The following NOL4L variants were observed in gnomAD, a reference collection of about 807,000 sequenced individuals.
NOL4L encodes the protein nucleolar protein 4-like.
NOL4L carries 7 observed loss-of-function variants against 64.5 expected under a neutral mutation model. The observed-to-expected ratio is 0.11, with a 90% CI of 0.06 to 0.20. NOL4L has a LOEUF of 0.20. Ranked by LOEUF, NOL4L falls within the 10% of genes least tolerant of loss-of-function variation. The probability of loss-of-function intolerance (pLI) is 1.00; values close to 1 mark genes in which losing one functional copy is unlikely to be tolerated. For synonymous variants in NOL4L, 413 were observed against 401.0 expected (o/e 1.03, Z -0.36); for missense variants, 680 against 967.1 (o/e 0.70, Z 3.94).
Position 32,516,546 on chromosome 20 carries a change from T to C in NOL4L, c.589+4265A>G, listed in dbSNP as rs1025571469. Among the ~76,000 whole-genome samples, 41 of 152,162 alleles carry C rather than the reference T, an allele frequency of 2.7e-4. 1 individual carries two copies. The highest frequency in any genetic ancestry group is 9.7e-4 in the African/African-American group (40 of 41,446). The stretch of plus-strand genomic sequence containing the variant: ...GAATCGGAATGGGACTCACGAACTA[T>C]TGCTCAGCTGACAGCTCCTTAGCAC... On this transcript the variant is annotated intron_variant, in intron 3 of 10. Transcript: ENST00000621426.
chr20:32,463,371 T>C lies in NOL4L; in HGVS notation c.842-6976A>G, dbSNP rs575400860. 6.6e-6 allele frequency among the ~76,000 whole-genome samples: 1 copy of C among 152,104 alleles called. No homozygotes were observed. The highest frequency in any genetic ancestry group is 1.5e-5 in the Non-Finnish European group (1 of 67,992). On this transcript the variant is annotated intron_variant, in intron 5 of 10. Transcript: ENST00000621426. The surrounding 1 kb of genome is among the most constrained non-coding windows in gnomAD (Gnocchi z 5.8). ...GCCAACCTGCTGGGGCCCAGTGTGA[T>C]GAAAGCAGGGTGGGCCTGCCCCCAG... is the stretch of plus-strand genomic sequence containing the variant.
chr20:32,483,130 TCA>T (rs2015846723), intron 4 of NOL4L, among the ~76,000 whole-genome samples: 1 of 89,158 alleles, frequency 1.1e-5, no homozygotes, highest in African/African-American at 4.4e-5. Flanking sequence ...TCGGGCACAC[TCA>T]CCCGCCCCCC....
At chr20:32,502,470 G>GT (rs1374788029) in intron 4 of NOL4L, among the ~76,000 whole-genome samples, 1 of 151,820 alleles carries the variant, frequency 6.6e-6, no homozygotes, top group East Asian at 1.9e-4. Context: ...GCAGGCGCCT[G>GT]TAATTCCAGT....
intron 10 of NOL4L, among the ~76,000 whole-genome samples, chr20:32,448,929 C>T (rs560217364): frequency 5.9e-5 from 9 of 152,284 alleles, no homozygotes; most frequent in African/African-American, 1.4e-4. Flanking sequence ...GCGGCTCCTG[C>T]GAGCAGAAGC....
At chr20:32,505,176 T>C (rs948252819) in intron 4 of NOL4L, among the ~76,000 whole-genome samples, 6 of 152,198 alleles carry the variant, frequency 3.9e-5, no homozygotes, top group African/African-American at 1.4e-4. Context: ...TGACAGTCTC[T>C]CACAGTAACC....
intron 6 of NOL4L, 92 bp downstream of exon 6, chr20:32,456,026 C>T: frequency 2.2e-6 from 3 of 1,345,430 alleles, no homozygotes; most frequent in Non-Finnish European, 1.9e-6. Flanking sequence ...CATGGGCTGG[C>T]TCCAGCTAAG....
chr20:32,453,755 G>T lies in NOL4L; in HGVS notation c.1126C>A (p.Pro376Thr), dbSNP rs1332248089. 20 of 1,552,984 alleles carry T rather than the reference G, an allele frequency of 1.3e-5. No individual in the cohort carries two copies. Among genetic ancestry groups the T allele is most frequent in the South Asian group, 2.4e-5 (2 of 84,170 alleles). ...YGVKTTPESP[P>T]YSSGSYDSIK... is the part of the protein sequence containing the mutation. ...GAATCGTAGCTCCCAGAGCTGTAGG[G>T]GGGGGACTAAAAGGAGGGCAAGAGG... Residue 376 changes from proline (P) to threonine (T), a missense_variant, in exon 7 of 11, where the codon CCC (proline) becomes ACC (threonine). Pro to Thr is a conservative substitution (Grantham distance 38). This residue lies in a region of NOL4L where 254 missense variants were observed against 238.7 expected (regional missense o/e 1.06). Coordinates refer to ENST00000621426, the MANE Select transcript of NOL4L (RefSeq NM_001256798.2). This position sits in a 1 kb window ranked among gnomAD's most constrained non-coding sequence, Gnocchi z 5.6.
At chr20:32,517,172 C>G (rs1227986496) in intron 3 of NOL4L, among the ~76,000 whole-genome samples, 2 of 152,212 alleles carry the variant, frequency 1.3e-5, no homozygotes, top group Non-Finnish European at 2.9e-5. Flanking sequence ...TGGGGAGAGA[C>G]CGCTGAGCAA....
chr20:32,453,354 G>A lies in NOL4L; in HGVS notation c.1447C>T (p.Arg483Cys), dbSNP rs755031249. The change falls in exon 8 of 11, where the codon CGC (arginine) becomes TGC (cysteine). Residue 483 changes from arginine (R) to cysteine (C), a missense_variant. By Grantham distance (180) the Arg-to-Cys change is radical (BLOSUM62 -3). Coordinates refer to ENST00000621426, the MANE Select transcript of NOL4L (RefSeq NM_001256798.2). The surrounding 1 kb of genome is among the most constrained non-coding windows in gnomAD (Gnocchi z 5.6). ...EFQERARKRI[R>C]TYLKSCRRMK... ...CGACGGCAGGACTTGAGGTACGTGC[G>A]GATGCGCTTGCGGGCCCGCTCCTGG... is the stretch of plus-strand genomic sequence containing the variant. 6.2e-7 allele frequency: 1 copy of A among 1,614,072 alleles called. No homozygotes were observed. The highest frequency in any genetic ancestry group is 8.5e-7 in the Non-Finnish European group (1 of 1,180,002).
chr20:32,528,097 G>T (rs1252163128), intron 1 of NOL4L, among the ~76,000 whole-genome samples, 184 bp from the exon 2 acceptor site: 10 of 152,204 alleles, frequency 6.6e-5, no homozygotes, highest in Non-Finnish European at 1.3e-4. Context: ...GGTGGCTGCA[G>T]CTATGAAATC....
intron 6 of NOL4L, among the ~76,000 whole-genome samples, chr20:32,454,687 C>G (rs966931598): frequency 6.6e-6 from 1 of 152,242 alleles, no homozygotes; most frequent in African/African-American, 2.4e-5. Flanking sequence ...TCGATGTGTC[C>G]TAAGTACTCG....
chr20:32,456,745 C>T (rs934785802), intron 5 of NOL4L, among the ~76,000 whole-genome samples: 1 of 152,216 alleles, frequency 6.6e-6, no homozygotes, highest in Non-Finnish European at 1.5e-5. Flanking sequence ...CCTGGAGGCC[C>T]TCGAAGCCCG....
At chr20:32,579,635 G>A (rs369954564) in intron 1 of NOL4L, among the ~76,000 whole-genome samples, 12 of 152,220 alleles carry the variant, frequency 7.9e-5, no homozygotes, top group South Asian at 4.2e-4. Flanking sequence ...AAGGGTGCAC[G>A]GTGTCCCCAC....
chr20:32,568,017 TCAC>T (rs907887187), intron 1 of NOL4L, among the ~76,000 whole-genome samples: 7 of 151,324 alleles, frequency 4.6e-5, no homozygotes, highest in African/African-American at 9.7e-5. Flanking sequence ...ACCATCATCA[TCAC>T]CACCATCATC....
chr20:32,554,861 G>A (rs1463458556), intron 1 of NOL4L, among the ~76,000 whole-genome samples: 1 of 152,172 alleles, frequency 6.6e-6, no homozygotes, highest in East Asian at 1.9e-4. Context: ...ACTAGGAGCT[G>A]GCATGGGGCA....
intron 5 of NOL4L, among the ~76,000 whole-genome samples, chr20:32,472,970 C>T (rs537516181): frequency 2.6e-3 from 389 of 152,312 alleles, no homozygotes; most frequent in Non-Finnish European, 4.0e-3. Context: ...GGCCAGCCAG[C>T]CTCTGGGCAG....
intron 10 of NOL4L, among the ~76,000 whole-genome samples, chr20:32,451,078 G>C (rs920087326): frequency 2.0e-5 from 3 of 152,130 alleles, no homozygotes; most frequent in African/African-American, 7.2e-5. Flanking sequence ...GGAACAGTGA[G>C]GGGTCTCCTG....
In NOL4L at chr20:32,477,863, A is replaced by C. The variant is rs568024254; in HGVS notation, c.700-3121T>G. ...GGGTCCCACTGGGAAAAGGTGGGCT[A>C]CACCTAACCTGGCATCAAAATCACC... On this transcript the variant is annotated intron_variant, in intron 4 of 10. Transcript: ENST00000621426. 1.7e-3 allele frequency among the ~76,000 whole-genome samples: 263 copies of C among 152,318 alleles called. 2 individuals are homozygous for C. The highest frequency in any genetic ancestry group is 5.8e-3 in the African/African-American group (239 of 41,564).
chr20:32,452,643 G>A (rs553451020), intron 9 of NOL4L, among the ~76,000 whole-genome samples: 57 of 152,264 alleles, frequency 3.7e-4, no homozygotes, highest in Non-Finnish European at 6.2e-4. Context: ...CCCTGTCAGC[G>A]TATTTGATCA....
Sources: allele counts gnomAD v4.1 joint callset (sites outside exome capture counted in the v4.1 genomes callset), GRCh38; gene constraint gnomAD v4.1.1; regional missense constraint gnomAD v4.1.1; non-coding constraint Gnocchi (gnomAD v3.1); transcripts MANE v1.5; gene names NCBI Gene and HGNC (gene_info 2026-07-23, HGNC 2026-07-21).